Variants in CRAMP1 observed in about 807,000 individuals in gnomAD.
CRAMP1 encodes cramped chromatin regulator 1, also known as protein cramped-like.
A neutral mutation model predicts 115.4 loss-of-function variants in CRAMP1; 50 were observed. That is an observed-to-expected ratio of 0.43 (90% confidence interval 0.35 to 0.55). CRAMP1 has a LOEUF of 0.55. CRAMP1 is among the 20% of genes least tolerant of loss of function. The pLI is 0.01. For synonymous variants in CRAMP1, 866 were observed against 745.4 expected, an observed-to-expected ratio of 1.16 and a Z score of -2.64; for missense variants, 1,679 against 1,721.7, an observed-to-expected ratio of 0.98 and a Z score of 0.44.
chr16:1,615,174 T>C (rs918595916), intron 2 of CRAMP1, among the ~76,000 whole-genome samples, 189 bp downstream of exon 2: 1 of 152,252 alleles, frequency 6.6e-6, no homozygotes, highest in African/African-American at 2.4e-5. Context: ...TGCGACTTTC[T>C]ATATTTAAAC....
intron 2 of CRAMP1, among the ~76,000 whole-genome samples, chr16:1,619,142 T>C (rs1389990726): frequency 6.6e-6 from 1 of 152,222 alleles, no homozygotes; most frequent in Non-Finnish European, 1.5e-5. Flanking sequence ...GTGTAGAAGC[T>C]CTTTGTCACA....
intron 10 of CRAMP1, among the ~76,000 whole-genome samples, chr16:1,658,653 C>A (rs933624057): frequency 1.3e-5 from 2 of 152,160 alleles, no homozygotes; most frequent in Non-Finnish European, 2.9e-5. Flanking sequence ...ACAAGCACCC[C>A]AAAAGGCCCG....
rs1244819252 is a variant in CRAMP1, at chr16:1,637,822, A to G, written c.695-2A>G. ...AAAGCCGCCTTCTCTTCTGTTTCTC[A>G]GTGTTCTCTCGAGGCCTGAAGAAGT... On this transcript the variant is annotated splice_acceptor_variant, in intron 4 of 20. Coordinates refer to ENST00000397412, the MANE Select transcript of CRAMP1 (RefSeq NM_020825.4). LOFTEE classifies it high-confidence loss of function. The G allele has an allele frequency of 1.3e-6, 2 of 1,503,198 alleles. No homozygotes were observed. The highest frequency in any genetic ancestry group is 2.3e-5 in the Admixed American group (1 of 43,578). The allele number at this position is 1,503,198 out of a possible 1,614,324, so 93.1% of individuals were successfully genotyped here. A position where few individuals can be genotyped will look rare whatever the true frequency, so the allele number is the denominator to read the frequency against.
chr16:1,643,013 G>C (rs565493019), intron 6 of CRAMP1, among the ~76,000 whole-genome samples: 42 of 152,362 alleles, frequency 2.8e-4, no homozygotes, highest in African/African-American at 9.6e-4. Context: ...AGGGACTGGA[G>C]ACACTTGACA....
rs1439066440 is a variant in CRAMP1 at position 1,655,913 on chromosome 16, T to C, written c.1156T>C (p.Cys386Arg). The C allele has an allele frequency of 1.9e-6, 3 of 1,612,304 alleles. No homozygotes were observed. Among genetic ancestry groups the C allele is most frequent in the Non-Finnish European group, 1.7e-6 (2 of 1,179,352 alleles). The stretch of plus-strand genomic sequence containing the variant: ...CGAGGAGCGGCAGCTGCAGGACTCA[T>C]GCTCCGCACCGATGCAGGAGAAGGT... ...TLEERQLQDSCSAPMQEKVTL... is the reference protein window; with the variant it reads ...TLEERQLQDSRSAPMQEKVTL... Residue 386 changes from cysteine (C) to arginine (R), a missense_variant, in exon 10 of 21, where the codon TGC (cysteine) becomes CGC (arginine). Cys to Arg is a radical substitution (Grantham distance 180). This residue lies in a region of CRAMP1 where 191 missense variants were observed against 236.2 expected (regional missense o/e 0.81). Coordinates refer to ENST00000397412, the MANE Select transcript of CRAMP1 (RefSeq NM_020825.4).
At chr16:1,619,782 G>A (rs1007737934) in intron 2 of CRAMP1, among the ~76,000 whole-genome samples, 2 of 152,204 alleles carry the variant, frequency 1.3e-5, no homozygotes, top group South Asian at 4.1e-4. Context: ...CAGAGAAGGG[G>A]ACAGTATGAG....
intron 13 of CRAMP1, among the ~76,000 whole-genome samples, chr16:1,663,406 T>C (rs1770740114): frequency 6.6e-6 from 1 of 152,212 alleles, no homozygotes; most frequent in Non-Finnish European, 1.5e-5. Flanking sequence ...CTCTTAGAAA[T>C]CTCTTTCTCC....
chr16:1,656,320 A>C lies in CRAMP1; in HGVS notation c.1563A>C (p.Pro521=). The change falls in exon 10 of 21, where the codon CCA becomes CCC. Residue 521 remains proline (P), a synonymous_variant. Transcript: ENST00000397412. The surrounding 1 kb of genome is among the most constrained non-coding windows in gnomAD (Gnocchi z 5.6). ...CTCCCAGGCACCAGGACACTGGGCC[A>C]TGTCTTGAGAAGACCCCTGCAGAAG... The part of the protein sequence containing the change: ...RPPPRHQDTG[P]CLEKTPAEGR... The C allele has an allele frequency of 6.2e-7, 1 of 1,611,464 alleles. No individual in the cohort carries two copies. Among genetic ancestry groups the C allele is most frequent in the Non-Finnish European group, 8.5e-7 (1 of 1,179,370 alleles).
chr16:1,617,457 AGAG>A (rs1233066643), intron 2 of CRAMP1, among the ~76,000 whole-genome samples: 1 of 152,278 alleles, frequency 6.6e-6, no homozygotes, highest in Non-Finnish European at 1.5e-5. Context: ...AAAGATGCTC[AGAG>A]GAGAATCCTC....
chr16:1,655,804 C>CT, intron 9 of CRAMP1, 73 bp from the exon 10 acceptor site: 1 of 1,524,714 alleles, frequency 6.6e-7, no homozygotes, highest in Non-Finnish European at 8.9e-7. Context: ...TGGCTCGTGT[C>CT]TGTACCCATG....
chr16:1,654,492 G>A (rs566006770), intron 8 of CRAMP1, among the ~76,000 whole-genome samples: 3 of 152,324 alleles, frequency 2.0e-5, no homozygotes, highest in East Asian at 1.9e-4. Context: ...GATTCCAGGC[G>A]TGTGCCGCCG....
intron 14 of CRAMP1, 53 bp downstream of exon 14, chr16:1,665,191 G>T (rs2036864168): frequency 8.3e-7 from 1 of 1,199,536 alleles, no homozygotes; most frequent in Non-Finnish European, 1.2e-6. Context: ...TCACAGGAGG[G>T]CCTTGGCTTT....
chr16:1,647,088 T>C (rs1479004303), intron 6 of CRAMP1: 1 of 702,808 alleles, frequency 1.4e-6, no homozygotes, highest in Non-Finnish European at 2.6e-6. Context: ...GAGGTGCCTG[T>C]GGGAGGCTAC....
chr16:1,657,331 C>G (rs566223546), intron 10 of CRAMP1, among the ~76,000 whole-genome samples: 1 of 152,234 alleles, frequency 6.6e-6, no homozygotes, highest in Non-Finnish European at 1.5e-5. Flanking sequence ...TGGAAGAAGA[C>G]GGCCAACAGG....
chr16:1,617,224 G>A (rs1041018242), intron 2 of CRAMP1, among the ~76,000 whole-genome samples: 19 of 152,074 alleles, frequency 1.2e-4, no homozygotes, highest in African/African-American at 4.1e-4. Flanking sequence ...AGAACTTCTC[G>A]GCCACTGTCT....
chr16:1,629,239 G>T (rs966935747), intron 3 of CRAMP1, among the ~76,000 whole-genome samples: 5 of 151,766 alleles, frequency 3.3e-5, no homozygotes, highest in African/African-American at 1.2e-4. Flanking sequence ...TCTGTGCTTC[G>T]CAGTGTTCCC....
At chr16:1,667,483 G>A in intron 17 of CRAMP1, 83 bp downstream of exon 17, 1 of 1,082,152 alleles carries the variant, frequency 9.2e-7, no homozygotes, top group South Asian at 1.3e-5. Context: ...TGCAGTCTTG[G>A]AGTGGCCCGG....
rs150338640 is a variant in CRAMP1, at chr16:1,657,212, C to T, written c.2235+220C>T. On this transcript the variant is annotated intron_variant, in intron 10 of 20. Coordinates refer to ENST00000397412, the MANE Select transcript of CRAMP1 (RefSeq NM_020825.4). ...CAGAGGCTCTCCACAGACTACTTTC[C>T]TCTCCCTCGAGGAGGGATCCTCGGG... is the stretch of plus-strand genomic sequence containing the variant. Among the ~76,000 whole-genome samples the T allele has an allele frequency of 9.8e-5, 15 of 152,368 alleles. No individual in the cohort carries two copies. The East Asian group carries it at 2.9e-3, about 29-fold the overall frequency.
intron 10 of CRAMP1, among the ~76,000 whole-genome samples, chr16:1,657,814 G>A (rs1247385132): frequency 2.0e-5 from 3 of 152,346 alleles, no homozygotes; most frequent in Middle Eastern, 3.4e-3. Context: ...TCCCACGGCA[G>A]GTCCATCCTG....
Sources: gnomAD v4.1 joint callset for allele counts (sites outside exome capture counted in the v4.1 genomes callset) on GRCh38, gnomAD v4.1.1 for gene constraint, gnomAD v4.1.1 regional missense constraint, Gnocchi (gnomAD v3.1) non-coding constraint, MANE v1.5 for transcripts, NCBI Gene and HGNC (gene_info 2026-07-23, HGNC 2026-07-21) for gene names.